Variants in RNF150 observed in about 807,000 individuals in gnomAD.
RNF150 encodes the protein ring finger protein 150.
In RNF150, 24 loss-of-function variants were observed where a neutral mutation model predicts 39.3. That is an observed-to-expected ratio of 0.61 (90% CI 0.44 to 0.86). The LOEUF is 0.86. RNF150 is among the 40% of genes least tolerant of loss of function. The pLI is 0.00. For missense variants in RNF150, 502 were observed against 587.8 expected, an observed-to-expected ratio of 0.85 and a Z score of 1.51; for synonymous variants, 255 against 227.3, an observed-to-expected ratio of 1.12 and a Z score of -1.10.
intron 1 of RNF150, among the ~76,000 whole-genome samples, chr4:141,092,973 C>T (rs188016558): frequency 6.6e-6 from 1 of 152,200 alleles, no homozygotes; most frequent in African/African-American, 2.4e-5. Flanking sequence ...AACTGAAGGG[C>T]CATTGCCCTG....
intron 1 of RNF150, among the ~76,000 whole-genome samples, chr4:140,999,954 G>GAAGA (rs1734533841): frequency 2.7e-5 from 1 of 37,036 alleles, no homozygotes. Context: ...AGAAGAAGAA[G>GAAGA]AAGAAGAAGA....
Position 140,864,462 on chromosome 4 carries a change from GA to G in RNF150, c.*3798del, listed in dbSNP as rs1728622651. On this transcript the variant is annotated 3_prime_UTR_variant, in exon 7 of 7. Transcript: ENST00000515673. Reference sequence around the variant, plus strand: ...CCCCATAGCATTGGGGTGGCAGGTGGATGCTGACTTGGAGTAAAATGCTGGC... The same window carrying G: ...CCCCATAGCATTGGGGTGGCAGGTGGTGCTGACTTGGAGTAAAATGCTGGC... The G allele has an allele frequency of 1.3e-5, 2 of 152,226 alleles. No homozygotes were observed. Among genetic ancestry groups the G allele is most frequent in the South Asian group, 4.1e-4 (2 of 4,824 alleles). The allele number at this position is 152,226 out of a possible 1,614,324, so 9.4% of individuals were successfully genotyped here.
Position 140,984,064 on chromosome 4 carries a change from T to C in RNF150, c.485-16191A>G, listed in dbSNP as rs149403360. Among the ~76,000 whole-genome samples, 860 of 152,240 alleles carry C rather than the reference T, an allele frequency of 5.6e-3. 6 individuals are homozygous for C. The highest frequency in any genetic ancestry group is 0.015 in the African/African-American group (603 of 41,566). ...GTGTGACTGCATTTTGACTGTGACC[T>C]GTCACATGAGGTCAGATGTAGAATT... On this transcript the variant is annotated intron_variant, in intron 1 of 6. Transcript: ENST00000515673.
At chr4:141,146,180 C>T (rs78629407) in intron 1 of RNF150, among the ~76,000 whole-genome samples, 2,030 of 152,282 alleles carry the variant, frequency 0.013, 27 homozygotes, top group Admixed American at 0.043. Flanking sequence ...GAAATAGGAT[C>T]GGTTCTATTG....
chr4:140,866,800 G>A lies in RNF150; in HGVS notation c.*1461C>T, dbSNP rs1728729143. The A allele has an allele frequency of 6.6e-6, 1 of 151,962 alleles. No homozygotes were observed. The highest frequency in any genetic ancestry group is 2.1e-4 in the South Asian group (1 of 4,808). 9.4% of individuals were successfully genotyped at this position (151,962 alleles called of 1,614,324 possible). A position where few individuals can be genotyped will look rare whatever the true frequency, so the allele number is the denominator to read the frequency against. On this transcript the variant is annotated 3_prime_UTR_variant, in exon 7 of 7. Coordinates refer to ENST00000515673, the MANE Select transcript of RNF150 (RefSeq NM_020724.2). ...TGTGTAGAGATAAGGTGATCCGTCT[G>A]ATTGTTCAGAGACGCTATCAATGAC...
At chr4:140,869,646 G>T (rs1446425914) in intron 6 of RNF150, among the ~76,000 whole-genome samples, 1 of 152,316 alleles carries the variant, frequency 6.6e-6, no homozygotes, top group East Asian at 1.9e-4. Flanking sequence ...TATTACAGGA[G>T]CAGGTAAGAG....
chr4:140,941,074 A>C (rs1732064961), intron 4 of RNF150, among the ~76,000 whole-genome samples: 1 of 152,218 alleles, frequency 6.6e-6, no homozygotes, highest in Admixed American at 6.5e-5. Flanking sequence ...AAAAGAAGAA[A>C]AAAAATAATA....
chr4:141,037,074 C>T (rs1318976015), intron 1 of RNF150, among the ~76,000 whole-genome samples: 1 of 152,084 alleles, frequency 6.6e-6, no homozygotes, highest in Non-Finnish European at 1.5e-5. Flanking sequence ...GCATGCTATT[C>T]TTCATTAGGG....
At chr4:140,992,390 A>C (rs1734224937) in intron 1 of RNF150, among the ~76,000 whole-genome samples, 2 of 152,118 alleles carry the variant, frequency 1.3e-5, no homozygotes, top group Non-Finnish European at 2.9e-5. Context: ...AATAATAATG[A>C]AAAACAAAAA....
chr4:141,061,014 G>A (rs1737200891), intron 1 of RNF150, among the ~76,000 whole-genome samples: 1 of 152,100 alleles, frequency 6.6e-6, no homozygotes, highest in African/African-American at 2.4e-5. Context: ...GGAAGGGACA[G>A]TATTAGGAGA....
chr4:141,191,346 G>T (rs1484623229), intron 1 of RNF150, among the ~76,000 whole-genome samples: 2 of 152,184 alleles, frequency 1.3e-5, no homozygotes, highest in African/African-American at 4.8e-5. Context: ...CTTGTCTCTG[G>T]TTTGGGTGTC....
At chr4:140,984,804 C>T (rs532537065) in intron 1 of RNF150, among the ~76,000 whole-genome samples, 1 of 152,204 alleles carries the variant, frequency 6.6e-6, no homozygotes, top group East Asian at 1.9e-4. Context: ...GTATAAATAC[C>T]TCAGTTTCCT....
intron 1 of RNF150, among the ~76,000 whole-genome samples, chr4:141,045,076 C>T (rs1736520652): frequency 6.6e-6 from 1 of 152,136 alleles, no homozygotes; most frequent in African/African-American, 2.4e-5. Context: ...AAACTGGCAG[C>T]CTTGTGAGGT....
chr4:141,182,756 C>T (rs1440382038), intron 1 of RNF150, among the ~76,000 whole-genome samples: 4 of 102,266 alleles, frequency 3.9e-5, no homozygotes, highest in Admixed American at 3.4e-4. Flanking sequence ...CCATACTGCC[C>T]AAGGTAATTT....
intron 4 of RNF150, 113 bp from the exon 5 acceptor site, chr4:140,926,186 CT>C: frequency 1.4e-6 from 1 of 721,432 alleles, no homozygotes; most frequent in Non-Finnish European, 2.4e-6. Context: ...AGAGCCAAGA[CT>C]CAAACCTCCA....
intron 1 of RNF150, among the ~76,000 whole-genome samples, chr4:141,117,409 A>G (rs929140344): frequency 1.3e-5 from 2 of 152,184 alleles, no homozygotes; most frequent in Non-Finnish European, 2.9e-5. Context: ...TATGTGGTAT[A>G]AATGTCCACA....
intron 4 of RNF150, among the ~76,000 whole-genome samples, chr4:140,942,779 C>G (rs931237226): frequency 2.6e-5 from 4 of 152,150 alleles, no homozygotes; most frequent in Non-Finnish European, 5.9e-5. Context: ...GATTTTTGGA[C>G]TACGTATACT....
intron 1 of RNF150, among the ~76,000 whole-genome samples, chr4:141,029,584 C>A (rs1297151906): frequency 6.6e-6 from 1 of 152,044 alleles, no homozygotes; most frequent in African/African-American, 2.4e-5. Flanking sequence ...AATGGGATAA[C>A]CATAACACAC....
chr4:140,927,650 CTTTT>C (rs70946712), intron 4 of RNF150, among the ~76,000 whole-genome samples: 7 of 126,894 alleles, frequency 5.5e-5, no homozygotes, highest in Non-Finnish European at 5.1e-5. Flanking sequence ...TTTTTTGTTT[CTTTT>C]TTTTTTTTTT....
Sources: gnomAD v4.1 joint callset for allele counts (sites outside exome capture counted in the v4.1 genomes callset) on GRCh38, gnomAD v4.1.1 for gene constraint, MANE v1.5 for transcripts, NCBI Gene and HGNC (gene_info 2026-07-23, HGNC 2026-07-21) for gene names.